ALOX12B: variants seen among roughly 807,000 people sequenced by gnomAD.
ALOX12B encodes arachidonate 12-lipoxygenase, 12R-type.
In ALOX12B, 47 loss-of-function variants were observed where a neutral mutation model predicts 78.9. That is an observed-to-expected ratio of 0.60 (90% confidence interval 0.47 to 0.76). The LOEUF is 0.76. Ranked by LOEUF, ALOX12B falls within the 30% of genes least tolerant of loss-of-function variation. The pLI, the probability that ALOX12B is intolerant of heterozygous loss-of-function variation, is 0.00. For missense variants in ALOX12B, 805 were observed against 922.6 expected, an observed-to-expected ratio of 0.87 and a Z score of 1.65; for synonymous variants, 370 against 374.5, an observed-to-expected ratio of 0.99 and a Z score of 0.14.
chr17:8,079,144 G>A lies in ALOX12B; in HGVS notation c.1071+252C>T, dbSNP rs867934129. On this transcript the variant is annotated intron_variant, in intron 8 of 14. Transcript: ENST00000647874. This position sits in a 1 kb window ranked among gnomAD's most constrained non-coding sequence, Gnocchi z 6.4. ...GATCTCCTGACCTCGTGATCCGCCC[G>A]CCTCGGCCTCCCAAAGTGCTGGGAT... Among the ~76,000 whole-genome samples the A allele has an allele frequency of 6.1e-4, 93 of 151,916 alleles. No homozygotes were observed. The highest frequency in any genetic ancestry group is 1.2e-3 in the Non-Finnish European group (79 of 67,980).
chr17:8,087,052 A>G (rs1358884513), intron 1 of ALOX12B, among the ~76,000 whole-genome samples: 3 of 152,182 alleles, frequency 2.0e-5, no homozygotes, highest in Non-Finnish European at 2.9e-5. Flanking sequence ...GATCTGGGAC[A>G]TGGGCGAGGG....
chr17:8,083,634 C>A (rs1185541734), intron 2 of ALOX12B, among the ~76,000 whole-genome samples: 1 of 152,096 alleles, frequency 6.6e-6, no homozygotes, highest in African/African-American at 2.4e-5. Flanking sequence ...GAGGCTGAAG[C>A]AGGAAAATCA....
In ALOX12B at chr17:8,087,301, C is replaced by G. The variant is rs773802967; in HGVS notation, c.142G>C (p.Gly48Arg). 3.7e-6 allele frequency: 6 copies of G among 1,613,500 alleles called. No individual in the cohort carries two copies. Among genetic ancestry groups the G allele is most frequent in the East Asian group, 4.5e-5 (2 of 44,880 alleles). ...LNHFGRDFAT[G>R]AVGQYTVQCP... ...ACACACACACACACTCTTACCGCCC[C>G]AGTTGCAAAGTCTCTCCCAAAGTGG... Residue 48 changes from glycine to arginine, a missense_variant, in exon 1 of 15, where the codon GGG (glycine) becomes CGG (arginine). Coordinates refer to ENST00000647874, the MANE Select transcript of ALOX12B (RefSeq NM_001139.3).
At position 8,076,137 on chromosome 17, in the gene ALOX12B, T is replaced by C. The variant is rs114967079; in HGVS notation, c.1532+38A>G. 1,913 of 1,612,962 alleles carry C rather than the reference T, an allele frequency of 1.2e-3. 22 individuals are homozygous for C. In the Middle Eastern group the frequency reaches 0.018, roughly 15 times the overall value. ...ACACCCTCTCCAACATCCCAGGTTGTCCACCCTAAGAGCCACCCACTGCTG... is the reference window on the plus strand; with the variant it reads ...ACACCCTCTCCAACATCCCAGGTTGCCCACCCTAAGAGCCACCCACTGCTG... On this transcript the variant is annotated intron_variant, in intron 11 of 14. Transcript: ENST00000647874.
chr17:8,078,066 T>C (rs1419434415), intron 8 of ALOX12B, among the ~76,000 whole-genome samples: 1 of 152,196 alleles, frequency 6.6e-6, no homozygotes, highest in African/African-American at 2.4e-5. Flanking sequence ...ATTTACATTG[T>C]ATTGTATTGG....
At position 8,086,145 on chromosome 17, in the gene ALOX12B, C is replaced by T. The variant is rs1978297287; in HGVS notation, c.223G>A (p.Ala75Thr). 4 of 1,614,130 alleles carry T rather than the reference C, an allele frequency of 2.5e-6. No homozygotes were observed. Among genetic ancestry groups the T allele is most frequent in the Admixed American group, 1.7e-5 (1 of 60,026 alleles). ...TACCAAGGGTCCTTGGGGAAGAAGG[C>T]GTACCGCTCTTTGTGCAGGCGGATG... ...IIIRLHKERYAFFPKDPWYCN... is the reference protein window; with the variant it reads ...IIIRLHKERYTFFPKDPWYCN... Residue 75 changes from alanine (A) to threonine (T), a missense_variant, in exon 2 of 15, where the codon GCC becomes ACC. Ala to Thr is a moderately conservative substitution (Grantham distance 58). Coordinates refer to ENST00000647874, the MANE Select transcript of ALOX12B (RefSeq NM_001139.3).
intron 2 of ALOX12B, 97 bp downstream of exon 2, chr17:8,085,919 C>T (rs1267462066): frequency 6.9e-7 from 1 of 1,458,452 alleles, no homozygotes; most frequent in Non-Finnish European, 9.6e-7. Flanking sequence ...GCTGGGCCCC[C>T]CTCTGGCTTG....
Position 8,076,124 on chromosome 17 carries a change from A to G in ALOX12B, c.1532+51T>C, listed in dbSNP as rs369789462. 1.9e-6 allele frequency: 3 copies of G among 1,610,834 alleles called. No homozygotes were observed. The African/African-American group carries it at 4.0e-5, about 22-fold the overall frequency. ...CTAGAAGCTCCCCACACCCTCTCCA[A>G]CATCCCAGGTTGTCCACCCTAAGAG... On this transcript the variant is annotated intron_variant, in intron 11 of 14. Coordinates refer to ENST00000647874, the MANE Select transcript of ALOX12B (RefSeq NM_001139.3).
chr17:8,085,912 G>T, intron 2 of ALOX12B, 104 bp downstream of exon 2: 1 of 1,371,052 alleles, frequency 7.3e-7, no homozygotes, highest in Admixed American at 1.7e-5. Context: ...TGGTGGGGCT[G>T]GGCCCCCCTC....
Position 8,087,689 on chromosome 17 carries a change from G to T in ALOX12B, c.-247C>A. 1.7e-6 allele frequency: 1 copy of T among 589,964 alleles called. No individual in the cohort carries two copies. Among genetic ancestry groups the T allele is most frequent in the Non-Finnish European group, 3.0e-6 (1 of 334,028 alleles). The allele number at this position is 589,964 out of a possible 1,614,324, so 36.5% of individuals were successfully genotyped here. On this transcript the variant is annotated 5_prime_UTR_variant, in exon 1 of 15. Coordinates refer to ENST00000647874, the MANE Select transcript of ALOX12B (RefSeq NM_001139.3). ...AGGCGGAGCCCAGCTGGTGGTGAGTGAGCAGGTGTCTGGGCTCCAAGCCTT... is the reference window on the plus strand; with the variant it reads ...AGGCGGAGCCCAGCTGGTGGTGAGTTAGCAGGTGTCTGGGCTCCAAGCCTT...
intron 2 of ALOX12B, among the ~76,000 whole-genome samples, chr17:8,081,767 G>A (rs565209837): frequency 9.6e-4 from 146 of 151,970 alleles, no homozygotes; most frequent in Non-Finnish European, 1.8e-3. Flanking sequence ...CTCAGTGTCC[G>A]GAGTAGGTGG....
intron 2 of ALOX12B, among the ~76,000 whole-genome samples, chr17:8,083,240 A>G (rs1277939018): frequency 1.3e-5 from 2 of 152,096 alleles, no homozygotes; most frequent in African/African-American, 4.8e-5. Flanking sequence ...ACATGTGTAC[A>G]GATACATGTG....
chr17:8,080,814 G>A lies in ALOX12B; in HGVS notation c.528-34C>T, dbSNP rs759714303. On this transcript the variant is annotated intron_variant, in intron 4 of 14. Coordinates refer to ENST00000647874, the MANE Select transcript of ALOX12B (RefSeq NM_001139.3). This position sits in a 1 kb window ranked among gnomAD's most constrained non-coding sequence, Gnocchi z 4.8. ...AGAAGCGCAGGGCAACTGGGATCCAGGGGGCGGGGAGGAGGCAGGCGCCCA... is the reference window on the plus strand; with the variant it reads ...AGAAGCGCAGGGCAACTGGGATCCAAGGGGCGGGGAGGAGGCAGGCGCCCA... 1 of 1,614,086 alleles carries A rather than the reference G, an allele frequency of 6.2e-7. No individual in the cohort carries two copies. Among genetic ancestry groups the A allele is most frequent in the East Asian group, 2.2e-5 (1 of 44,878 alleles).
At chr17:8,085,059 C>G (rs1978292631) in intron 2 of ALOX12B, among the ~76,000 whole-genome samples, 1 of 152,136 alleles carries the variant, frequency 6.6e-6, no homozygotes, top group African/African-American at 2.4e-5. Flanking sequence ...TAACAGGGCC[C>G]CTATTAGATA....
Position 8,079,449 on chromosome 17 carries a change from G to C in ALOX12B, c.1018C>G (p.Leu340Val). The part of the protein sequence containing the change: ...SGRKQHHCAP[L>V]CLLHFGPEGK... ...TCGGGTCCAAAGTGCAGCAGGCAGA[G>C]GGGGGCGCAGTGGTGCTGCTTCCGG... The change falls in exon 8 of 15, where the codon CTC becomes GTC. Residue 340 changes from leucine to valine, a missense_variant. Coordinates refer to ENST00000647874, the MANE Select transcript of ALOX12B (RefSeq NM_001139.3). The surrounding 1 kb of genome is among the most constrained non-coding windows in gnomAD (Gnocchi z 6.4). The C allele has an allele frequency of 6.4e-7, 1 of 1,551,206 alleles. No individual in the cohort carries two copies. Among genetic ancestry groups the C allele is most frequent in the Non-Finnish European group, 8.7e-7 (1 of 1,147,054 alleles).
At position 8,079,360 on chromosome 17, in the gene ALOX12B, G is replaced by A; in HGVS notation, c.1071+36C>T. 6.5e-7 allele frequency: 1 copy of A among 1,549,994 alleles called. No homozygotes were observed. Among genetic ancestry groups the A allele is most frequent in the Non-Finnish European group, 8.7e-7 (1 of 1,147,156 alleles). On this transcript the variant is annotated intron_variant, in intron 8 of 14. Coordinates refer to ENST00000647874, the MANE Select transcript of ALOX12B (RefSeq NM_001139.3). The surrounding 1 kb of genome is among the most constrained non-coding windows in gnomAD (Gnocchi z 6.4). ...ACTCGGAGGAGCATTCGCGCACACA[G>A]AGGCTCAGCGGCAGCGCCGCCTGCA...
chr17:8,080,706 C>G lies in ALOX12B; in HGVS notation c.602G>C (p.Arg201Pro), dbSNP rs1225560473. 3.7e-6 allele frequency: 6 copies of G among 1,614,024 alleles called. No individual in the cohort carries two copies. Among genetic ancestry groups the G allele is most frequent in the Non-Finnish European group, 5.1e-6 (6 of 1,180,038 alleles). The stretch of plus-strand genomic sequence containing the variant: ...GGAGGCCGTCTTGAGGAAGGAGTAG[C>G]GGAGATTTAAGTTCAGGAACTTGGT... ...KATKFLNLNL[R>P]YSFLKTASFF... Residue 201 changes from arginine to proline, a missense_variant, in exon 5 of 15, where the codon CGC becomes CCC. By Grantham distance (103) the Arg-to-Pro change is moderately radical (BLOSUM62 -2). Transcript: ENST00000647874. This position sits in a 1 kb window ranked among gnomAD's most constrained non-coding sequence, Gnocchi z 4.8.
chr17:8,078,604 G>A (rs1977138785), intron 8 of ALOX12B, among the ~76,000 whole-genome samples: 1 of 152,000 alleles, frequency 6.6e-6, no homozygotes, highest in Non-Finnish European at 1.5e-5. Context: ...TTGTGTACAC[G>A]CAGCAGCAAG....
chr17:8,081,903 A>G (rs1977225273), intron 2 of ALOX12B, among the ~76,000 whole-genome samples: 1 of 151,972 alleles, frequency 6.6e-6, no homozygotes. Flanking sequence ...TCTGCCTCCC[A>G]AAGTGCTGGG....
Sources: gnomAD v4.1 joint callset for allele counts (sites outside exome capture counted in the v4.1 genomes callset) on GRCh38, gnomAD v4.1.1 for gene constraint, Gnocchi (gnomAD v3.1) non-coding constraint, MANE v1.5 for transcripts, NCBI Gene and HGNC (gene_info 2026-07-23, HGNC 2026-07-21) for gene names.